The following PXT1 variants were observed in gnomAD, a reference collection of about 807,000 sequenced individuals.
PXT1 encodes peroxisomal testis-specific protein 1.
PXT1 carries 11 observed loss-of-function variants against 11.0 expected under a neutral mutation model. That is an observed-to-expected ratio of 1.00 (90% CI 0.63 to 1.66). The LOEUF (loss-of-function observed/expected upper bound fraction) is 1.66, where lower values mean the gene tolerates loss of function less well. Ranked by LOEUF, PXT1 falls within the 40% of genes most tolerant of loss-of-function variation. The pLI, the probability that PXT1 is intolerant of heterozygous loss-of-function variation, is 0.00. For missense variants in PXT1, 141 were observed against 155.5 expected (o/e 0.91, Z 0.49); for synonymous variants, 43 against 51.4 (o/e 0.84, Z 0.70).
rs1483881552 is a variant in PXT1, at chr6:36,425,965, T to C, written c.118A>G (p.Met40Val). Residue 40 changes from methionine (M) to valine (V), a missense_variant, in exon 3 of 5, where the codon ATG (methionine) becomes GTG (valine). Transcript: ENST00000454782. Reference sequence around the variant, plus strand: ...GGCTGGGAGCTGACAAGTTGGGTCATGTATGCCTTCTGAAAACTGTATTTT... The same window carrying C: ...GGCTGGGAGCTGACAAGTTGGGTCACGTATGCCTTCTGAAAACTGTATTTT... ...WLKYSFQKAYMTQLVSSQPVP... is the reference protein window; with the variant it reads ...WLKYSFQKAYVTQLVSSQPVP... 2 of 1,535,988 alleles carry C rather than the reference T, an allele frequency of 1.3e-6. No homozygotes were observed. Among genetic ancestry groups the C allele is most frequent in the Admixed American group, 3.9e-5 (2 of 50,800 alleles).
In PXT1 at chr6:36,426,393, G is replaced by T. The variant is rs1315461056; in HGVS notation, c.-9-302C>A. ...TTTTTTTTTTTTTTTTTTTTGAGAC[G>T]AAGTTTTGCTCTTGTTGCCCAGGCT... On this transcript the variant is annotated intron_variant, in intron 2 of 4. Coordinates refer to ENST00000454782, the MANE Select transcript of PXT1 (RefSeq NM_152990.4). Among the ~76,000 whole-genome samples the T allele has an allele frequency of 5.1e-5, 3 of 59,396 alleles. 1 individual carries two copies. The highest frequency in any genetic ancestry group is 6.6e-5 in the African/African-American group (1 of 15,184). The allele number at this position is 59,396 out of a possible 152,430, so 39.0% of individuals were successfully genotyped here.
rs573389636 is a variant in PXT1, at chr6:36,416,647, A to T, written c.169+9267T>A. Among the ~76,000 whole-genome samples, 4 of 152,354 alleles carry T rather than the reference A, an allele frequency of 2.6e-5. No individual in the cohort carries two copies. In the East Asian group the frequency reaches 7.7e-4, roughly 29 times the overall value. On this transcript the variant is annotated intron_variant, in intron 3 of 4. Transcript: ENST00000454782. ...TTTAAAAAGGGACCTTCTGATCATTATGACTATTAAACAACGATGTTCATA... is the reference window on the plus strand; with the variant it reads ...TTTAAAAAGGGACCTTCTGATCATTTTGACTATTAAACAACGATGTTCATA...
intron 2 of PXT1, among the ~76,000 whole-genome samples, chr6:36,438,417 GTTGT>G (rs1415882770): frequency 3.9e-5 from 6 of 152,068 alleles, no homozygotes; most frequent in African/African-American, 1.2e-4. Context: ...TTTTGTTGTT[GTTGT>G]TTGTTTGTTT....
intron 2 of PXT1, among the ~76,000 whole-genome samples, chr6:36,426,976 T>A (rs1056372329): frequency 6.6e-6 from 1 of 151,762 alleles, no homozygotes; most frequent in Non-Finnish European, 1.5e-5. Flanking sequence ...GTAGAATCAA[T>A]CCAAATGAGA....
chr6:36,412,207 C>T (rs909599216), intron 3 of PXT1, among the ~76,000 whole-genome samples: 1 of 151,640 alleles, frequency 6.6e-6, no homozygotes, highest in Non-Finnish European at 1.5e-5. Flanking sequence ...CAAAAATTAG[C>T]CAGGCGTGGT....
chr6:36,408,623 T>G (rs1227569623), intron 3 of PXT1, among the ~76,000 whole-genome samples: 1 of 148,044 alleles, frequency 6.8e-6, no homozygotes, highest in African/African-American at 2.5e-5. Context: ...TGCAGCATTT[T>G]GGGAGGCTGT....
At chr6:36,396,117 A>G (rs902619487) in intron 4 of PXT1, among the ~76,000 whole-genome samples, 4 of 152,272 alleles carry the variant, frequency 2.6e-5, no homozygotes, top group African/African-American at 9.6e-5. Flanking sequence ...TGGAGCAGGC[A>G]TAAGGATAGC....
At chr6:36,433,376 G>C (rs1326800548) in intron 2 of PXT1, among the ~76,000 whole-genome samples, 1 of 152,030 alleles carries the variant, frequency 6.6e-6, no homozygotes, top group Non-Finnish European at 1.5e-5. Flanking sequence ...GACAAAAAAA[G>C]TGCTCCAAAA....
intron 3 of PXT1, among the ~76,000 whole-genome samples, chr6:36,417,377 T>G (rs1304403817): frequency 6.6e-6 from 1 of 151,082 alleles, no homozygotes; most frequent in Non-Finnish European, 1.5e-5. Context: ...ACATCAAATA[T>G]GAGAAAAAGA....
intron 1 of PXT1, among the ~76,000 whole-genome samples, chr6:36,439,695 T>C (rs1436096255): frequency 7.0e-6 from 1 of 142,772 alleles, no homozygotes; most frequent in Non-Finnish European, 1.5e-5. Context: ...GGTTCAAGAA[T>C]GAGACTTGTG....
At chr6:36,412,595 G>A (rs1774390385) in intron 3 of PXT1, among the ~76,000 whole-genome samples, 1 of 151,704 alleles carries the variant, frequency 6.6e-6, no homozygotes, top group Non-Finnish European at 1.5e-5. Context: ...GGAAGGCGGA[G>A]GTTGCAGTGA....
At chr6:36,441,068 AC>A (rs1405331849) in intron 1 of PXT1, among the ~76,000 whole-genome samples, 1 of 151,018 alleles carries the variant, frequency 6.6e-6, no homozygotes, top group Non-Finnish European at 1.5e-5. Context: ...GGAGTTCAAG[AC>A]CTGCCTGGGC....
chr6:36,393,319 T>TC (rs2127408938), intron 4 of PXT1: 1 of 153,422 alleles, frequency 6.5e-6, no homozygotes, highest in South Asian at 2.1e-4. Context: ...CACACTGGCC[T>TC]CCTTGCCATT....
chr6:36,415,624 TAAG>T (rs1774436436), intron 3 of PXT1, among the ~76,000 whole-genome samples: 1 of 152,164 alleles, frequency 6.6e-6, no homozygotes, highest in Non-Finnish European at 1.5e-5. Context: ...ACTGCTCTTC[TAAG>T]AAGTGTCCTG....
chr6:36,400,682 G>A, intron 3 of PXT1, 98 bp from the exon 4 acceptor site: 1 of 1,325,330 alleles, frequency 7.5e-7, no homozygotes, highest in Non-Finnish European at 1.0e-6. Context: ...GAAAATGAGA[G>A]GGTTGGCCAG....
intron 3 of PXT1, among the ~76,000 whole-genome samples, chr6:36,419,663 A>G (rs1582263319): frequency 6.6e-6 from 1 of 152,212 alleles, no homozygotes; most frequent in Admixed American, 6.5e-5. Flanking sequence ...TACTCAATAG[A>G]TATTTGTTGA....
intron 2 of PXT1, among the ~76,000 whole-genome samples, chr6:36,431,337 T>C (rs1774688910): frequency 1.3e-5 from 2 of 152,196 alleles, no homozygotes; most frequent in South Asian, 4.1e-4. Flanking sequence ...TGAAAAATAT[T>C]GATCTTTTAC....
chr6:36,396,885 G>A (rs1774151840), intron 4 of PXT1, among the ~76,000 whole-genome samples: 1 of 152,164 alleles, frequency 6.6e-6, no homozygotes, highest in Non-Finnish European at 1.5e-5. Flanking sequence ...GCTAAGAGCT[G>A]CAGAGATGAC....
intron 3 of PXT1, among the ~76,000 whole-genome samples, chr6:36,417,767 CAA>C (rs369423691): frequency 0.028 from 1,690 of 60,340 alleles, 31 homozygotes; most frequent in African/African-American, 0.086. Context: ...GATCCTGTCT[CAA>C]AAAAAAAAAA....
Sources: allele counts gnomAD v4.1 joint callset (sites outside exome capture counted in the v4.1 genomes callset), GRCh38; gene constraint gnomAD v4.1.1; transcripts MANE v1.5; gene names NCBI Gene and HGNC (gene_info 2026-07-23, HGNC 2026-07-21).